Variants in ELMOD1 observed in about 807,000 individuals in gnomAD.
ELMOD1 encodes ELMO domain-containing protein 1.
Under a neutral mutation model 46.7 loss-of-function variants are expected in ELMOD1, and 21 were observed. The observed-to-expected ratio is 0.45, with a 90% CI of 0.32 to 0.65. The LOEUF is 0.65. ELMOD1 is among the 30% of genes least tolerant of loss of function. The probability of loss-of-function intolerance (pLI) is 0.04; values close to 1 mark genes in which losing one functional copy is unlikely to be tolerated. For synonymous variants in ELMOD1, 122 were observed against 138.2 expected, an observed-to-expected ratio of 0.88 and a Z score of 0.82; for missense variants, 348 against 407.8, an observed-to-expected ratio of 0.85 and a Z score of 1.26.
chr11:107,645,544 C>T (rs945291339), intron 6 of ELMOD1, among the ~76,000 whole-genome samples: 3 of 151,964 alleles, frequency 2.0e-5, no homozygotes, highest in African/African-American at 2.4e-5. Flanking sequence ...AGGCTGGTCT[C>T]GAACTCCTGA....
chr11:107,591,992 T>C (rs1297131979), intron 1 of ELMOD1: 4 of 517,310 alleles, frequency 7.7e-6, no homozygotes, highest in South Asian at 5.9e-5. Flanking sequence ...AGCATCTCTT[T>C]CCCGGGCAGG....
chr11:107,650,232 G>A (rs183682393), intron 7 of ELMOD1, 103 bp from the exon 8 acceptor site: 7 of 772,794 alleles, frequency 9.1e-6, no homozygotes, highest in Middle Eastern at 2.3e-4. Context: ...CCTTATGCCA[G>A]TATCCATCTC....
At chr11:107,636,250 G>C (rs895221560) in intron 6 of ELMOD1, among the ~76,000 whole-genome samples, 1 of 152,192 alleles carries the variant, frequency 6.6e-6, no homozygotes, top group East Asian at 1.9e-4. Flanking sequence ...AGAGGTAAAG[G>C]TTTATATTTG....
At chr11:107,663,029 A>G (rs1197686442) in intron 11 of ELMOD1, among the ~76,000 whole-genome samples, 1 of 152,060 alleles carries the variant, frequency 6.6e-6, no homozygotes, top group African/African-American at 2.4e-5. Context: ...GTGCCTGGCA[A>G]GAAACAAGCT....
chr11:107,612,357 G>A (rs1360324809), intron 1 of ELMOD1, among the ~76,000 whole-genome samples: 1 of 152,182 alleles, frequency 6.6e-6, no homozygotes, highest in Non-Finnish European at 1.5e-5. Context: ...GACTACTAGA[G>A]TTGGGAGGGA....
chr11:107,650,726 G>A (rs1008499664), intron 8 of ELMOD1, among the ~76,000 whole-genome samples, 159 bp from the exon 9 acceptor site: 5 of 152,142 alleles, frequency 3.3e-5, no homozygotes, highest in Non-Finnish European at 4.4e-5. Flanking sequence ...AAGATGATGG[G>A]GGAACAGAAG....
chr11:107,653,109 T>G (rs1359016789), intron 9 of ELMOD1, among the ~76,000 whole-genome samples: 1 of 152,168 alleles, frequency 6.6e-6, no homozygotes, highest in Admixed American at 6.5e-5. Context: ...TACATCTCTA[T>G]CTGCATTGGA....
chr11:107,603,369 T>C (rs1591101021), intron 1 of ELMOD1, among the ~76,000 whole-genome samples: 1 of 151,934 alleles, frequency 6.6e-6, no homozygotes, highest in African/African-American at 2.4e-5. Context: ...CAAAACCACA[T>C]CTCTACTAAA....
chr11:107,602,662 A>T (rs1269243972), intron 1 of ELMOD1, among the ~76,000 whole-genome samples: 1 of 150,734 alleles, frequency 6.6e-6, no homozygotes, highest in Non-Finnish European at 1.5e-5. Flanking sequence ...TCTTTTATCT[A>T]TGAAAATTAT....
intron 11 of ELMOD1, among the ~76,000 whole-genome samples, chr11:107,658,346 A>G (rs1866670842): frequency 6.6e-6 from 1 of 152,208 alleles, no homozygotes; most frequent in South Asian, 2.1e-4. Flanking sequence ...TTATAAACAC[A>G]TATACTTTAC....
intron 1 of ELMOD1, chr11:107,600,351 G>A (rs981537971): frequency 2.0e-5 from 3 of 152,014 alleles, no homozygotes; most frequent in Middle Eastern, 6.8e-3. Flanking sequence ...GTCTTTGAAG[G>A]TTTTTTAAAA....
chr11:107,640,160 C>T (rs1301145305), intron 6 of ELMOD1, among the ~76,000 whole-genome samples: 2 of 152,050 alleles, frequency 1.3e-5, no homozygotes, highest in African/African-American at 2.4e-5. Flanking sequence ...TGAGCCACAG[C>T]GCCTGGCTCA....
intron 11 of ELMOD1, among the ~76,000 whole-genome samples, chr11:107,661,319 C>T (rs1017944397): frequency 6.6e-6 from 1 of 152,116 alleles, no homozygotes; most frequent in African/African-American, 2.4e-5. Context: ...CTTCTGTAAC[C>T]GTGCCACACT....
intron 11 of ELMOD1, among the ~76,000 whole-genome samples, chr11:107,661,935 C>T (rs1427435996): frequency 6.6e-6 from 1 of 152,134 alleles, no homozygotes; most frequent in Non-Finnish European, 1.5e-5. Flanking sequence ...TGTTGATGTG[C>T]ACATTTTTCC....
chr11:107,650,167 A>T (rs1866500118), intron 7 of ELMOD1, among the ~76,000 whole-genome samples, 168 bp from the exon 8 acceptor site: 1 of 152,204 alleles, frequency 6.6e-6, no homozygotes, highest in Non-Finnish European at 1.5e-5. Flanking sequence ...TTACATTTGG[A>T]AAATTCTGTT....
At chr11:107,618,249 G>A (rs1865893258) in intron 2 of ELMOD1, 43 bp downstream of exon 2, 2 of 1,550,076 alleles carry the variant, frequency 1.3e-6, no homozygotes, top group Non-Finnish European at 1.7e-6. Context: ...TGCAGTGGGA[G>A]AAACCTCCTC....
At chr11:107,610,487 AACCCC>A in intron 1 of ELMOD1, among the ~76,000 whole-genome samples, 1 of 152,010 alleles carries the variant, frequency 6.6e-6, no homozygotes, top group Admixed American at 6.5e-5. Context: ...AACATGTCAA[AACCCC>A]GTCTGTACTA....
At chr11:107,653,465 T>C (rs1866562011) in intron 9 of ELMOD1, 1 of 152,174 alleles carries the variant, frequency 6.6e-6, no homozygotes, top group African/African-American at 2.4e-5. Flanking sequence ...TGTGGCTTAC[T>C]GACTTAGCTT....
At chr11:107,644,171 C>T (rs553606041) in intron 6 of ELMOD1, among the ~76,000 whole-genome samples, 5 of 151,880 alleles carry the variant, frequency 3.3e-5, no homozygotes, top group Non-Finnish European at 7.4e-5. Context: ...TGGTACACAC[C>T]TGTAGTCCCA....
Sources: allele counts gnomAD v4.1 joint callset (sites outside exome capture counted in the v4.1 genomes callset), GRCh38; gene constraint gnomAD v4.1.1; transcripts MANE v1.5; gene names NCBI Gene and HGNC (gene_info 2026-07-23, HGNC 2026-07-21).